L3MBTL4: variants seen among roughly 807,000 people sequenced by gnomAD.
L3MBTL4 encodes lethal(3)malignant brain tumor-like protein 4.
In L3MBTL4, 70 loss-of-function variants were observed where a neutral mutation model predicts 84.5. The observed-to-expected ratio is 0.83, with a 90% confidence interval of 0.68 to 1.01. L3MBTL4 has a LOEUF of 1.01. Among genes scored for constraint, L3MBTL4 ranks in the 50% least tolerant of loss-of-function variants. The pLI, the probability that L3MBTL4 is intolerant of heterozygous loss-of-function variation, is 0.00. For synonymous variants in L3MBTL4, 274 were observed against 259.8 expected (o/e 1.05, Z -0.52); for missense variants, 715 against 754.8 (o/e 0.95, Z 0.62).
intron 16 of L3MBTL4, among the ~76,000 whole-genome samples, chr18:6,048,184 T>C (rs1213791342): frequency 6.6e-6 from 1 of 151,834 alleles, no homozygotes; most frequent in Non-Finnish European, 1.5e-5. Flanking sequence ...ACCTAGGAGG[T>C]GAAAGATCTC....
chr18:6,194,267 G>A (rs942543928), intron 12 of L3MBTL4, among the ~76,000 whole-genome samples: 8 of 152,088 alleles, frequency 5.3e-5, no homozygotes, highest in Non-Finnish European at 7.4e-5. Flanking sequence ...ATTCAAATGA[G>A]GACAGTGACT....
In L3MBTL4 at chr18:6,238,049, A is replaced by G. The variant is rs376484983; in HGVS notation, c.708-9T>C. On this transcript the variant is annotated splice_polypyrimidine_tract_variant and intron_variant, in intron 9 of 18. Coordinates refer to ENST00000317931, the MANE Select transcript of L3MBTL4 (RefSeq NM_001330559.2). ...GGCTATTAACATCGCACCTGCAAAA[A>G]CAGAGCTCTATATTACGTTCCGTTT... The G allele has an allele frequency of 6.2e-7, 1 of 1,613,346 alleles. No individual in the cohort carries two copies. The highest frequency in any genetic ancestry group is 1.3e-5 in the African/African-American group (1 of 75,032).
At chr18:6,154,900 A>C (rs2043040213) in intron 13 of L3MBTL4, among the ~76,000 whole-genome samples, 1 of 152,212 alleles carries the variant, frequency 6.6e-6, no homozygotes, top group African/African-American at 2.4e-5. Context: ...GACCTCCATT[A>C]CAAAATAGGT....
At chr18:6,035,624 T>A (rs1376962546) in intron 16 of L3MBTL4, among the ~76,000 whole-genome samples, 1 of 152,146 alleles carries the variant, frequency 6.6e-6, no homozygotes. Flanking sequence ...ATTGACTTGG[T>A]GATGCAGGCT....
intron 17 of L3MBTL4, among the ~76,000 whole-genome samples, chr18:5,967,264 C>T (rs2052400727): frequency 1.3e-5 from 2 of 152,188 alleles, no homozygotes; most frequent in African/African-American, 2.4e-5. Context: ...CAGCTCATGG[C>T]CTGGTTCTGA....
chr18:6,311,599 C>T lies in L3MBTL4; in HGVS notation c.27G>A (p.Lys9=), dbSNP rs754751279. 5 of 1,613,756 alleles carry T rather than the reference C, an allele frequency of 3.1e-6. No individual in the cohort carries two copies. Among genetic ancestry groups the T allele is most frequent in the Non-Finnish European group, 3.4e-6 (4 of 1,179,868 alleles). The change falls in exon 3 of 19, where the codon AAG becomes AAA. Residue 9 remains lysine (K), a synonymous_variant. Transcript: ENST00000317931. ...AACGCTCTTTGGAATCCATATTAAG[C>T]TTCCTTTTCCTGTTGGGCTGTTTCA... The part of the protein sequence containing the change: MKQPNRKR[K]LNMDSKERLD...
In L3MBTL4 at chr18:5,969,413, C is replaced by A. The variant is rs373461607; in HGVS notation, c.1594G>T (p.Ala532Ser). The A allele has an allele frequency of 8.4e-5, 136 of 1,613,988 alleles. 1 individual carries two copies. Among genetic ancestry groups the A allele is most frequent in the Non-Finnish European group, 8.1e-5 (96 of 1,180,032 alleles). ...CTCACCTCATCCACAGTCCAACGTG[C>A]CACTTGGCTGGCCCGGATGTCAGCC... is the stretch of plus-strand genomic sequence containing the variant. ...GVADIRASQV[A>S]RWTVDEVAEF... The change falls in exon 17 of 19, where the codon GCA becomes TCA. Residue 532 changes from alanine (A) to serine (S), a missense_variant. Physicochemically the swap from Ala to Ser is moderately conservative, Grantham distance 99. Coordinates refer to ENST00000317931, the MANE Select transcript of L3MBTL4 (RefSeq NM_001330559.2).
intron 1 of L3MBTL4, among the ~76,000 whole-genome samples, chr18:6,325,354 T>C (rs1011640758): frequency 2.0e-5 from 3 of 152,160 alleles, no homozygotes; most frequent in East Asian, 1.9e-4. Flanking sequence ...AAAGACTATA[T>C]ACTACTTTTG....
rs553668476 is a variant in L3MBTL4 at position 6,288,003 on chromosome 18, G to A, written c.127+13900C>T. On this transcript the variant is annotated intron_variant, in intron 4 of 18. Transcript: ENST00000317931. ...GGCTACAGTGAGCTGTAGTCACATC[G>A]CTGCACTCCAGCCTGGGTGACAAAA... Among the ~76,000 whole-genome samples the A allele has an allele frequency of 5.5e-4, 83 of 152,204 alleles. No individual in the cohort carries two copies. The South Asian group carries it at 0.014, about 25-fold the overall frequency.
At chr18:6,362,871 G>A (rs1278463016) in intron 1 of L3MBTL4, among the ~76,000 whole-genome samples, 4 of 152,244 alleles carry the variant, frequency 2.6e-5, no homozygotes, top group Non-Finnish European at 5.9e-5. Flanking sequence ...GCTGTACTGG[G>A]TTTTTCGGAG....
chr18:6,088,288 T>A (rs1398804877), intron 15 of L3MBTL4, among the ~76,000 whole-genome samples: 1 of 152,212 alleles, frequency 6.6e-6, no homozygotes, highest in East Asian at 1.9e-4. Context: ...CTGGCCACCA[T>A]CCTTGGCACC....
At chr18:6,344,161 GAA>G (rs1299836494) in intron 1 of L3MBTL4, among the ~76,000 whole-genome samples, 4 of 151,758 alleles carry the variant, frequency 2.6e-5, no homozygotes, top group Admixed American at 1.3e-4. Flanking sequence ...TACTAACAAT[GAA>G]AAAAAGAGAT....
At chr18:6,356,344 A>G (rs2053444909) in intron 1 of L3MBTL4, among the ~76,000 whole-genome samples, 1 of 152,244 alleles carries the variant, frequency 6.6e-6, no homozygotes, top group Non-Finnish European at 1.5e-5. Context: ...GCCAAACTCT[A>G]TTTGTCCCAC....
At chr18:6,392,234 G>A (rs2055085573) in intron 1 of L3MBTL4, among the ~76,000 whole-genome samples, 2 of 152,146 alleles carry the variant, frequency 1.3e-5, no homozygotes, top group South Asian at 4.1e-4. Flanking sequence ...ACATAAATTG[G>A]AGAAAGGACA....
At chr18:6,220,601 A>C (rs1357292473) in intron 10 of L3MBTL4, among the ~76,000 whole-genome samples, 1 of 152,108 alleles carries the variant, frequency 6.6e-6, no homozygotes, top group Non-Finnish European at 1.5e-5. Flanking sequence ...CACCTAACAC[A>C]GTGTGTGTTG....
At chr18:6,404,305 G>T (rs1220210913) in intron 1 of L3MBTL4, among the ~76,000 whole-genome samples, 2 of 152,148 alleles carry the variant, frequency 1.3e-5, no homozygotes, top group East Asian at 3.8e-4. Context: ...CCTCAGGAAC[G>T]TCCTTCCACC....
At chr18:6,245,925 T>A (rs549610466) in intron 5 of L3MBTL4, among the ~76,000 whole-genome samples, 31 of 152,302 alleles carry the variant, frequency 2.0e-4, no homozygotes, top group African/African-American at 7.2e-4. Flanking sequence ...AGTTTCTTTC[T>A]TCATATTTAA....
chr18:6,407,439 A>C (rs939717014), intron 1 of L3MBTL4, among the ~76,000 whole-genome samples: 3 of 152,254 alleles, frequency 2.0e-5, no homozygotes, highest in African/African-American at 7.2e-5. Flanking sequence ...AATTGAGTGC[A>C]TAAAATATAG....
chr18:5,969,663 T>A, intron 16 of L3MBTL4, 101 bp from the exon 17 acceptor site: 1 of 1,174,436 alleles, frequency 8.5e-7, no homozygotes, highest in Non-Finnish European at 1.2e-6. Flanking sequence ...GGACGGAAAG[T>A]GCAGACACCA....
Sources: gnomAD v4.1 joint callset for allele counts (sites outside exome capture counted in the v4.1 genomes callset) on GRCh38, gnomAD v4.1.1 for gene constraint, MANE v1.5 for transcripts, NCBI Gene and HGNC (gene_info 2026-07-23, HGNC 2026-07-21) for gene names.